ADAMTS17: variants seen among roughly 807,000 people sequenced by gnomAD.
ADAMTS17 encodes the protein A disintegrin and metalloproteinase with thrombospondin motifs 17.
Under a neutral mutation model 141.5 loss-of-function variants are expected in ADAMTS17, and 113 were observed. The observed-to-expected ratio is 0.80, with a 90% CI of 0.69 to 0.93. ADAMTS17 has a LOEUF of 0.93. ADAMTS17 is among the 40% of genes least tolerant of loss of function. The pLI is 0.00. For missense variants in ADAMTS17, 1,659 were observed against 1,517.9 expected, an observed-to-expected ratio of 1.09 and a Z score of -1.54; for synonymous variants, 768 against 630.6, an observed-to-expected ratio of 1.22 and a Z score of -3.27.
chr15:100,211,244 TGA>T (rs1184122374), intron 7 of ADAMTS17, among the ~76,000 whole-genome samples: 110 of 145,672 alleles, frequency 7.6e-4, no homozygotes, highest in Non-Finnish European at 1.2e-4. Flanking sequence ...TGCAGTGAGT[TGA>T]GACTGTGCCA....
At chr15:99,984,291 C>T (rs997620296) in intron 20 of ADAMTS17, among the ~76,000 whole-genome samples, 2 of 152,186 alleles carry the variant, frequency 1.3e-5, no homozygotes, top group Non-Finnish European at 2.9e-5. Flanking sequence ...ATCCTCTTTC[C>T]TGGGGCTGGA....
At chr15:100,222,400 CAA>C (rs527875109) in intron 7 of ADAMTS17, among the ~76,000 whole-genome samples, 279 of 152,324 alleles carry the variant, frequency 1.8e-3, no homozygotes, top group African/African-American at 5.9e-3. Context: ...AGACATGATT[CAA>C]ATAAGCGTGG....
Position 100,139,929 on chromosome 15 carries a change from T to C in ADAMTS17, c.1474-6614A>G, listed in dbSNP as rs183258803. Among the ~76,000 whole-genome samples the C allele has an allele frequency of 2.6e-5, 4 of 152,322 alleles. No homozygotes were observed. In the East Asian group the frequency reaches 5.8e-4, roughly 22 times the overall value. On this transcript the variant is annotated intron_variant, in intron 10 of 21. Transcript: ENST00000268070. ...TCTAAATGTATTTTACCTAATAGTA[T>C]TGTACCAAGCTTAATTTCCTGGTTT...
At chr15:100,078,413 T>C (rs994759254) in intron 15 of ADAMTS17, among the ~76,000 whole-genome samples, 2 of 149,996 alleles carry the variant, frequency 1.3e-5, no homozygotes, top group Admixed American at 6.6e-5. Context: ...CAATGGAATA[T>C]AGAGTCCAGA....
chr15:100,115,215 C>T (rs1035505468), intron 13 of ADAMTS17, among the ~76,000 whole-genome samples: 25 of 152,342 alleles, frequency 1.6e-4, no homozygotes, highest in African/African-American at 2.2e-4. Context: ...GTGCCTGACA[C>T]AGCGGGAAGC....
intron 12 of ADAMTS17, among the ~76,000 whole-genome samples, chr15:100,124,584 G>A (rs375625191): frequency 2.6e-5 from 4 of 152,334 alleles, no homozygotes; most frequent in Admixed American, 1.3e-4. Context: ...TCACACATGC[G>A]CGCCCCAGGG....
chr15:100,100,701 C>T (rs2036043210), intron 14 of ADAMTS17, among the ~76,000 whole-genome samples: 1 of 152,202 alleles, frequency 6.6e-6, no homozygotes, highest in Admixed American at 6.5e-5. Context: ...CCTCCTTAAT[C>T]AGGACATGAA....
At chr15:100,030,727 G>T (rs1201723484) in intron 18 of ADAMTS17, among the ~76,000 whole-genome samples, 1 of 152,148 alleles carries the variant, frequency 6.6e-6, no homozygotes, top group Non-Finnish European at 1.5e-5. Context: ...TCTGAAATAC[G>T]TATAAATTAT....
rs1343807300 is a variant in ADAMTS17, at chr15:100,042,538, A to C, written c.2591+6319T>G. Among the ~76,000 whole-genome samples, 6 of 152,192 alleles carry C rather than the reference A, an allele frequency of 3.9e-5. 1 individual carries two copies. In the East Asian group the frequency reaches 1.2e-3, roughly 29 times the overall value. On this transcript the variant is annotated intron_variant, in intron 18 of 21. Transcript: ENST00000268070. ...TTTTTCTTTCCTTATTAAGTTGAAG[A>C]CGTTTACCTTTTCACTTACAGGATG...
intron 10 of ADAMTS17, among the ~76,000 whole-genome samples, chr15:100,144,299 C>G (rs550180853): frequency 6.6e-6 from 1 of 152,240 alleles, no homozygotes; most frequent in South Asian, 2.1e-4. Context: ...CACCTGTAGT[C>G]CCAGCACTTT....
At chr15:100,334,603 G>A (rs960688695) in intron 2 of ADAMTS17, among the ~76,000 whole-genome samples, 3 of 152,086 alleles carry the variant, frequency 2.0e-5, no homozygotes, top group Non-Finnish European at 4.4e-5. Context: ...CCCGACTCTC[G>A]GGTGGGCACG....
At chr15:100,258,659 T>A (rs113922327) in intron 6 of ADAMTS17, among the ~76,000 whole-genome samples, 57,510 of 112,606 alleles carry the variant, frequency 0.51, 11,418 homozygotes, top group African/African-American at 0.63. Context: ...CCCACGATTC[T>A]ATTGGTCCCT....
At chr15:100,112,594 G>C (rs2036856155) in intron 13 of ADAMTS17, among the ~76,000 whole-genome samples, 1 of 152,094 alleles carries the variant, frequency 6.6e-6, no homozygotes, top group Admixed American at 6.5e-5. Flanking sequence ...GTGGGATTCA[G>C]CTTTGCACCC....
At chr15:100,034,474 C>T (rs975565611) in intron 18 of ADAMTS17, among the ~76,000 whole-genome samples, 3 of 152,218 alleles carry the variant, frequency 2.0e-5, no homozygotes, top group Admixed American at 6.5e-5. Context: ...CTGGGAAGCA[C>T]CTGCCACTAC....
intron 7 of ADAMTS17, among the ~76,000 whole-genome samples, chr15:100,239,287 T>C (rs1015230789): frequency 2.0e-5 from 3 of 152,218 alleles, no homozygotes; most frequent in Non-Finnish European, 4.4e-5. Context: ...CCCAAGACCA[T>C]GACGTTCTCA....
intron 15 of ADAMTS17, among the ~76,000 whole-genome samples, chr15:100,090,062 T>C (rs1314849761): frequency 1.3e-5 from 2 of 151,770 alleles, no homozygotes; most frequent in Non-Finnish European, 2.9e-5. Context: ...CTAGGATTCC[T>C]TCTCTACTGA....
At chr15:100,284,449 T>C (rs1247153281) in intron 3 of ADAMTS17, among the ~76,000 whole-genome samples, 3 of 152,202 alleles carry the variant, frequency 2.0e-5, no homozygotes, top group Admixed American at 1.3e-4. Context: ...AACAGCCCCA[T>C]GTGAGTGCAG....
chr15:100,127,380 C>T (rs12101551), intron 12 of ADAMTS17, among the ~76,000 whole-genome samples: 8,609 of 152,026 alleles, frequency 0.057, 721 homozygotes, highest in African/African-American at 0.19. Flanking sequence ...GGAGGTGATG[C>T]ACCTCCAAGC....
At chr15:100,056,735 C>T (rs562127015) in intron 15 of ADAMTS17, among the ~76,000 whole-genome samples, 23 of 152,140 alleles carry the variant, frequency 1.5e-4, no homozygotes, top group African/African-American at 5.1e-4. Context: ...TGAAGAAACA[C>T]CTCAGAAAGC....
Sources: allele counts gnomAD v4.1 joint callset (sites outside exome capture counted in the v4.1 genomes callset), GRCh38; gene constraint gnomAD v4.1.1; transcripts MANE v1.5; gene names NCBI Gene and HGNC (gene_info 2026-07-23, HGNC 2026-07-21).